Variants in SRGAP2 observed in about 807,000 individuals in gnomAD.
SRGAP2 encodes SLIT-ROBO Rho GTPase-activating protein 2.
A neutral mutation model predicts 57.2 loss-of-function variants in SRGAP2; 15 were observed. That is an observed-to-expected ratio of 0.26 (90% CI 0.18 to 0.40). The LOEUF is 0.40. Among genes scored for constraint, SRGAP2 ranks in the 10% least tolerant of loss-of-function variants. The pLI is 1.00. For synonymous variants in SRGAP2, 249 were observed against 248.0 expected, an observed-to-expected ratio of 1.00 and a Z score of -0.04; for missense variants, 520 against 669.6, an observed-to-expected ratio of 0.78 and a Z score of 2.47.
rs566276438 is a variant in SRGAP2, at chr1:206,416,834, G to A, written c.1441+861G>A. Among the ~76,000 whole-genome samples the A allele has an allele frequency of 1.3e-4, 20 of 152,104 alleles. No individual in the cohort carries two copies. In the East Asian group the frequency reaches 3.9e-3, roughly 30 times the overall value. On this transcript the variant is annotated intron_variant, in intron 11 of 22. Coordinates refer to ENST00000573034, the MANE Select transcript of SRGAP2 (RefSeq NM_015326.5). ...TAGGAGGGAGTGGAAGGGAGAAGCT[G>A]CAGGGAATATGTGCTAACATCAGTT... is the stretch of plus-strand genomic sequence containing the variant.
rs151304262 is a variant in SRGAP2 at position 206,340,224 on chromosome 1, T to C, written c.261-2622T>C. ...GAGGACACCCTGGGGATATGTGCTC[T>C]GCATCCTTTTCCATGGTGTTAGGTT... On this transcript the variant is annotated intron_variant, in intron 3 of 22. Coordinates refer to ENST00000573034, the MANE Select transcript of SRGAP2 (RefSeq NM_015326.5). Among the ~76,000 whole-genome samples the C allele has an allele frequency of 1.0e-2, 1,445 of 144,672 alleles. 35 individuals carry two copies. Among genetic ancestry groups the C allele is most frequent in the African/African-American group, 0.037 (1,368 of 37,038 alleles). The allele number at this position is 144,672 out of a possible 152,430, so 94.9% of individuals were successfully genotyped here.
chr1:206,353,508 A>G (rs1358119633), intron 4 of SRGAP2, among the ~76,000 whole-genome samples: 2 of 151,896 alleles, frequency 1.3e-5, no homozygotes, highest in Non-Finnish European at 2.9e-5. Context: ...TTAGCTGGGC[A>G]TGGTGGTACG....
intron 2 of SRGAP2, among the ~76,000 whole-genome samples, chr1:206,292,536 A>G (rs1671385892): frequency 6.6e-6 from 1 of 150,812 alleles, no homozygotes; most frequent in African/African-American, 2.5e-5. Flanking sequence ...CAGGCCCTCA[A>G]TAATGATAGA....
rs1664241402 is a variant in SRGAP2 at position 206,461,201 on chromosome 1, GCTC to G, written c.3001_3003del (p.Leu1001del). ...AGCCCTCCAGCCCTCTGCACACCCA[GCTC>G]CTCAAGGACCCCGAGCCCGCCTTCC... On this transcript the variant is annotated inframe_deletion, in exon 23 of 23. Transcript: ENST00000573034. The G allele has an allele frequency of 1.3e-6, 1 of 780,594 alleles. No individual in the cohort carries two copies. The highest frequency in any genetic ancestry group is 2.4e-6 in the Non-Finnish European group (1 of 417,856). 48.4% of individuals were successfully genotyped at this position (780,594 alleles called of 1,614,324 possible). A position where few individuals can be genotyped will look rare whatever the true frequency, so the allele number is the denominator to read the frequency against.
chr1:206,323,468 C>T (rs1673624178), intron 3 of SRGAP2, among the ~76,000 whole-genome samples: 1 of 148,406 alleles, frequency 6.7e-6, no homozygotes. Flanking sequence ...AGCAAGCCAT[C>T]TTATGGATTG....
intron 22 of SRGAP2, among the ~76,000 whole-genome samples, chr1:206,460,469 C>G (rs1486576772): frequency 6.6e-6 from 1 of 152,076 alleles, no homozygotes; most frequent in African/African-American, 2.4e-5. Flanking sequence ...GGACACTGCC[C>G]TGAGTTGGGG....
intron 3 of SRGAP2, among the ~76,000 whole-genome samples, chr1:206,309,212 T>C (rs1672445733): frequency 6.8e-6 from 1 of 146,640 alleles, no homozygotes; most frequent in African/African-American, 2.6e-5. Flanking sequence ...AAAAGAGCTA[T>C]GTAAATAGTA....
At chr1:206,366,413 C>A (rs1553341648) in intron 4 of SRGAP2, among the ~76,000 whole-genome samples, 1 of 152,130 alleles carries the variant, frequency 6.6e-6, no homozygotes, top group Non-Finnish European at 1.5e-5. Context: ...CCCTGTAGCG[C>A]CTGTGGAGAA....
chr1:206,450,099 G>A (rs1256620885), intron 18 of SRGAP2, among the ~76,000 whole-genome samples: 6 of 152,166 alleles, frequency 3.9e-5, no homozygotes, highest in African/African-American at 1.4e-4. Flanking sequence ...GAGTTGAGTT[G>A]TTCTCTATTT....
At chr1:206,303,209 G>C in intron 2 of SRGAP2, 72 bp from the exon 3 acceptor site, 1 of 974,468 alleles carries the variant, frequency 1.0e-6, no homozygotes, top group Non-Finnish European at 1.4e-6. Context: ...GTGGAAGGTG[G>C]GTGAATATTG....
At chr1:206,333,826 C>T (rs1553332828) in intron 3 of SRGAP2, among the ~76,000 whole-genome samples, 1 of 152,194 alleles carries the variant, frequency 6.6e-6, no homozygotes, top group Non-Finnish European at 1.5e-5. Context: ...AAGGCGCTTT[C>T]CACAGAGTGT....
At position 206,333,388 on chromosome 1, in the gene SRGAP2, G is replaced by A. The variant is rs1427289468; in HGVS notation, c.261-9458G>A. The A allele has an allele frequency of 8.6e-6, 12 of 1,394,000 alleles. No homozygotes were observed. In the East Asian group the frequency reaches 2.7e-4, roughly 32 times the overall value. The allele number at this position is 1,394,000 out of a possible 1,614,324, so 86.4% of individuals were successfully genotyped here. A position where few individuals can be genotyped will look rare whatever the true frequency, so the allele number is the denominator to read the frequency against. On this transcript the variant is annotated intron_variant, in intron 3 of 22. Coordinates refer to ENST00000573034, the MANE Select transcript of SRGAP2 (RefSeq NM_015326.5). ...ATCCTTCTAAACTATCCTCAGTCTT[G>A]TCAACAGCTGTTATCTTCAGCTTCT...
intron 18 of SRGAP2, among the ~76,000 whole-genome samples, chr1:206,449,310 T>TTTTTTTTA (rs1663052241): frequency 7.5e-6 from 1 of 133,918 alleles, no homozygotes; most frequent in African/African-American, 2.8e-5. Context: ...TTTTTTTTTT[T>TTTTTTTTA]AGACAGGATC....
In SRGAP2 at chr1:206,372,904, TTTC is replaced by T. The variant is rs1280010371; in HGVS notation, c.424-11107_424-11105del. Among the ~76,000 whole-genome samples, 2 of 5,466 alleles carry T rather than the reference TTTC, an allele frequency of 3.7e-4. 1 individual carries two copies. Among genetic ancestry groups the T allele is most frequent in the Non-Finnish European group, 5.5e-4 (2 of 3,648 alleles). The allele number at this position is 5,466 out of a possible 152,430, so 3.6% of individuals were successfully genotyped here. ...CCTTTCTTTCTTTCTCTCTCCTTTCTTTCTTTCTTTCTTTCTTTCTTTCTTTCT... is the reference window on the plus strand; with the variant it reads ...CCTTTCTTTCTTTCTCTCTCCTTTCTTTTCTTTCTTTCTTTCTTTCTTTCT... On this transcript the variant is annotated intron_variant, in intron 4 of 22. Transcript: ENST00000573034.
intron 3 of SRGAP2, among the ~76,000 whole-genome samples, chr1:206,326,753 C>T (rs1161747803): frequency 2.0e-5 from 3 of 152,236 alleles, no homozygotes; most frequent in African/African-American, 7.2e-5. Context: ...TTTGTACACT[C>T]TGGCCTTTTC....
chr1:206,384,630 G>A (rs1273115042), intron 5 of SRGAP2, among the ~76,000 whole-genome samples: 4 of 152,130 alleles, frequency 2.6e-5, no homozygotes, highest in Admixed American at 6.5e-5. Flanking sequence ...CCTCAGTGAC[G>A]AGGCAGGCTG....
At chr1:206,457,983 T>C (rs141505381) in intron 21 of SRGAP2, among the ~76,000 whole-genome samples, 1 of 152,264 alleles carries the variant, frequency 6.6e-6, no homozygotes, top group African/African-American at 2.4e-5. Context: ...TGAAACAAAT[T>C]CGCCCAGATC....
At chr1:206,333,293 C>G (rs2102883247) in intron 3 of SRGAP2, 1 of 1,188,836 alleles carries the variant, frequency 8.4e-7, no homozygotes, top group East Asian at 2.4e-5. Context: ...TCCTATTCGG[C>G]CATCTTGGCT....
intron 2 of SRGAP2, among the ~76,000 whole-genome samples, chr1:206,239,552 G>A (rs1668081255): frequency 6.6e-6 from 1 of 151,932 alleles, no homozygotes; most frequent in Non-Finnish European, 1.5e-5. Context: ...CCGCCTCCTG[G>A]GTTCAAGCAG....
Sources: allele counts gnomAD v4.1 joint callset (sites outside exome capture counted in the v4.1 genomes callset), GRCh38; gene constraint gnomAD v4.1.1; transcripts MANE v1.5; gene names NCBI Gene and HGNC (gene_info 2026-07-23, HGNC 2026-07-21).